The following FGF18 variants were observed in gnomAD, a reference collection of about 807,000 sequenced individuals.
FGF18 encodes fibroblast growth factor 18.
A neutral mutation model predicts 23.0 loss-of-function variants in FGF18; 5 were observed. The ratio of observed to expected loss-of-function variants is 0.22; its 90% confidence interval spans 0.11 to 0.46. The LOEUF (loss-of-function observed/expected upper bound fraction) is 0.46. Among genes scored for constraint, FGF18 ranks in the 20% least tolerant of loss-of-function variants. The pLI, the probability that FGF18 is intolerant of heterozygous loss-of-function variation, is 0.99. For synonymous variants in FGF18, 117 were observed against 118.9 expected, an observed-to-expected ratio of 0.98 and a Z score of 0.10; for missense variants, 180 against 291.6, an observed-to-expected ratio of 0.62 and a Z score of 2.79.
rs984131942 is a variant in FGF18 at position 171,436,146 on chromosome 5, G to A, written c.123G>A (p.Thr41=). ...VDFRIHVENQ[T]RARDDVSRKQ... ...TCCGCATCCACGTGGAGAACCAGAC[G>A]CGGGCTCGGGACGATGTGAGCCGTA... Residue 41 remains threonine, a synonymous_variant, in exon 3 of 5, where the codon ACG becomes ACA. Coordinates refer to ENST00000274625, the MANE Select transcript of FGF18 (RefSeq NM_003862.3). This position sits in a 1 kb window ranked among gnomAD's most constrained non-coding sequence, Gnocchi z 4.4. 7 of 1,589,556 alleles carry A rather than the reference G, an allele frequency of 4.4e-6. No individual in the cohort carries two copies. The highest frequency in any genetic ancestry group is 2.7e-5 in the African/African-American group (2 of 73,970).
At chr5:171,448,095 A>C (rs921885084) in intron 3 of FGF18, among the ~76,000 whole-genome samples, 2 of 152,206 alleles carry the variant, frequency 1.3e-5, no homozygotes, top group Non-Finnish European at 2.9e-5. Context: ...ATTTGGACAC[A>C]GCATACCTAA....
intron 2 of FGF18, among the ~76,000 whole-genome samples, chr5:171,426,521 G>A (rs532989913): frequency 2.6e-5 from 4 of 152,348 alleles, no homozygotes; most frequent in African/African-American, 9.6e-5. Flanking sequence ...CAGGTCAGGA[G>A]GCCCCGTGGG....
rs959192358 is a variant in FGF18, at chr5:171,451,201, G to C, written c.357+1948G>C. 1.3e-5 allele frequency among the ~76,000 whole-genome samples: 2 copies of C among 152,000 alleles called. No homozygotes were observed. Among genetic ancestry groups the C allele is most frequent in the South Asian group, 4.2e-4 (2 of 4,812 alleles). ...TTCAGCTGGCGCGGCGCACCCTGGC[G>C]CAGCGGAGGGAGGCCCGGCCCCGGC... is the stretch of plus-strand genomic sequence containing the variant. On this transcript the variant is annotated intron_variant, in intron 4 of 4. Coordinates refer to ENST00000274625, the MANE Select transcript of FGF18 (RefSeq NM_003862.3). The surrounding 1 kb of genome is among the most constrained non-coding windows in gnomAD (Gnocchi z 4.5).
At position 171,457,014 on chromosome 5, in the gene FGF18, T is replaced by TGGAGTA; in HGVS notation, c.*209_*210insGGAGTA. ...CTTGAAACCCCCGATGACAAAAGACTCACGCAAAGGGACTGTAGTCAACCC... is the reference window on the plus strand; with the variant it reads ...CTTGAAACCCCCGATGACAAAAGACTGGAGTACACGCAAAGGGACTGTAGTCAACCC... On this transcript the variant is annotated 3_prime_UTR_variant, in exon 5 of 5. Coordinates refer to ENST00000274625, the MANE Select transcript of FGF18 (RefSeq NM_003862.3). 1.6e-6 allele frequency: 1 copy of TGGAGTA among 627,254 alleles called. No individual in the cohort carries two copies. Among genetic ancestry groups the TGGAGTA allele is most frequent in the Non-Finnish European group, 2.7e-6 (1 of 372,776 alleles). The allele number at this position is 627,254 out of a possible 1,614,324, so 38.9% of individuals were successfully genotyped here.
In FGF18 at chr5:171,419,813, C is replaced by T. The variant is rs1187577255; in HGVS notation, c.-387C>T. The T allele has an allele frequency of 6.6e-6, 1 of 151,784 alleles. No homozygotes were observed. The highest frequency in any genetic ancestry group is 2.4e-5 in the African/African-American group (1 of 41,358). The allele number at this position is 151,784 out of a possible 1,614,324, so 9.4% of individuals were successfully genotyped here. A position where few individuals can be genotyped will look rare whatever the true frequency, so the allele number is the denominator to read the frequency against. ...TCCGCGCCCGGGCCGGAGAGCGCAA[C>T]TCGGCTTCCAGACCCGCCGCGCATG... On this transcript the variant is annotated 5_prime_UTR_variant, in exon 1 of 5. Coordinates refer to ENST00000274625, the MANE Select transcript of FGF18 (RefSeq NM_003862.3).
chr5:171,435,734 C>A (rs1772235446), intron 2 of FGF18, among the ~76,000 whole-genome samples: 1 of 152,190 alleles, frequency 6.6e-6, no homozygotes, highest in Admixed American at 6.5e-5. Flanking sequence ...GTCCTCACAG[C>A]TACCCTGGGA....
In FGF18 at chr5:171,436,936, G is replaced by A. The variant is rs372870566; in HGVS notation, c.250+663G>A. Among the ~76,000 whole-genome samples the A allele has an allele frequency of 1.2e-4, 19 of 152,356 alleles. No individual in the cohort carries two copies. The highest frequency in any genetic ancestry group is 4.6e-4 in the African/African-American group (19 of 41,586). On this transcript the variant is annotated intron_variant, in intron 3 of 4. Transcript: ENST00000274625. The surrounding 1 kb of genome is among the most constrained non-coding windows in gnomAD (Gnocchi z 4.4). ...CTCAGCAGTGAGTGAAACAGGCAGC[G>A]CTCCGCCTTCCCAGAGCTTGGAGGG...
At position 171,456,500 on chromosome 5, in the gene FGF18, T is replaced by A. The variant is rs573430101; in HGVS notation, c.358-39T>A. The A allele has an allele frequency of 1.9e-6, 3 of 1,593,026 alleles. No individual in the cohort carries two copies. Among genetic ancestry groups the A allele is most frequent in the Non-Finnish European group, 2.6e-6 (3 of 1,167,190 alleles). On this transcript the variant is annotated intron_variant, in intron 4 of 4. Coordinates refer to ENST00000274625, the MANE Select transcript of FGF18 (RefSeq NM_003862.3). The surrounding 1 kb of genome is among the most constrained non-coding windows in gnomAD (Gnocchi z 6.1). Reference sequence around the variant, plus strand: ...CTGTGCTTTGGCAAGCATAACTGAGTCATTTTTTTCTTGAACACTCCCCCT... The same window carrying A: ...CTGTGCTTTGGCAAGCATAACTGAGACATTTTTTTCTTGAACACTCCCCCT...
chr5:171,446,994 G>A (rs760123068), intron 3 of FGF18, among the ~76,000 whole-genome samples: 2 of 152,068 alleles, frequency 1.3e-5, no homozygotes, highest in Non-Finnish European at 2.9e-5. Flanking sequence ...CTATATTTTC[G>A]TTTTTCTTTT....
At chr5:171,435,652 C>T (rs1047369000) in intron 2 of FGF18, among the ~76,000 whole-genome samples, 2 of 152,062 alleles carry the variant, frequency 1.3e-5, no homozygotes, top group East Asian at 1.9e-4. Context: ...ATGGACCCAG[C>T]GTTCCATCCC....
intron 3 of FGF18, among the ~76,000 whole-genome samples, chr5:171,439,804 G>A (rs750918009): frequency 2.9e-4 from 44 of 152,138 alleles, no homozygotes; most frequent in South Asian, 6.2e-4. Flanking sequence ...GGGGGTTTCC[G>A]GGGCAACTCT....
intron 3 of FGF18, among the ~76,000 whole-genome samples, chr5:171,439,923 G>A (rs767481932): frequency 1.3e-5 from 2 of 152,176 alleles, no homozygotes; most frequent in African/African-American, 2.4e-5. Flanking sequence ...CCCATTTTGC[G>A]GTAGGCCAGC....
chr5:171,433,600 C>T (rs1191989331), intron 2 of FGF18, among the ~76,000 whole-genome samples: 1 of 152,112 alleles, frequency 6.6e-6, no homozygotes, highest in African/African-American at 2.4e-5. Flanking sequence ...AGGTATCAGA[C>T]CCGGGCTGTG....
At chr5:171,420,356 G>A in intron 1 of FGF18, 51 bp from the exon 2 acceptor site, 2 of 1,610,450 alleles carry the variant, frequency 1.2e-6, no homozygotes, top group Non-Finnish European at 8.5e-7. Flanking sequence ...GTCTGTCCGT[G>A]CGCCCCCTTC....
At chr5:171,450,375 A>G (rs1772480106) in intron 4 of FGF18, among the ~76,000 whole-genome samples, 1 of 152,168 alleles carries the variant, frequency 6.6e-6, no homozygotes, top group African/African-American at 2.4e-5. Flanking sequence ...TACTGTCATA[A>G]TAGCTTCCGC....
chr5:171,436,132 G>C lies in FGF18; in HGVS notation c.109G>C (p.Val37Leu). The C allele has an allele frequency of 6.3e-7, 1 of 1,583,074 alleles. No homozygotes were observed. ...GGAGAACGTGGACTTCCGCATCCAC[G>C]TGGAGAACCAGACGCGGGCTCGGGA... ...AEENVDFRIHVENQTRARDDV... is the reference protein window; with the variant it reads ...AEENVDFRIHLENQTRARDDV... The change falls in exon 3 of 5, where the codon GTG (valine) becomes CTG (leucine). Residue 37 changes from valine (V) to leucine (L), a missense_variant. Transcript: ENST00000274625. The surrounding 1 kb of genome is among the most constrained non-coding windows in gnomAD (Gnocchi z 4.4).
chr5:171,428,750 T>A (rs966459187), intron 2 of FGF18, among the ~76,000 whole-genome samples: 11 of 152,110 alleles, frequency 7.2e-5, no homozygotes, highest in African/African-American at 2.2e-4. Flanking sequence ...ATGGCCATTC[T>A]CCCTACCCAG....
intron 2 of FGF18, among the ~76,000 whole-genome samples, chr5:171,435,788 C>G (rs1040133723): frequency 6.6e-6 from 1 of 152,148 alleles, no homozygotes; most frequent in Admixed American, 6.5e-5. Flanking sequence ...TACCGAGAAT[C>G]GTTCTTGCTT....
intron 3 of FGF18, among the ~76,000 whole-genome samples, chr5:171,443,002 G>A (rs902906640): frequency 2.0e-5 from 3 of 152,206 alleles, no homozygotes; most frequent in African/African-American, 7.2e-5. Flanking sequence ...GTCCTACTGT[G>A]AGACTCTGGT....
Sources: gnomAD v4.1 joint callset for allele counts (sites outside exome capture counted in the v4.1 genomes callset) on GRCh38, gnomAD v4.1.1 for gene constraint, Gnocchi (gnomAD v3.1) non-coding constraint, MANE v1.5 for transcripts, NCBI Gene and HGNC (gene_info 2026-07-23, HGNC 2026-07-21) for gene names.